Variants in LGMN observed in about 807,000 individuals in gnomAD.
The protein encoded by LGMN is asparaginyl endopeptidase.
Under a neutral mutation model 56.8 loss-of-function variants are expected in LGMN, and 36 were observed. That is an observed-to-expected ratio of 0.63 (90% CI 0.49 to 0.84). The LOEUF (loss-of-function observed/expected upper bound fraction) is 0.84. Among genes scored for constraint, LGMN ranks in the 40% least tolerant of loss-of-function variants. The probability of loss-of-function intolerance (pLI) is 0.00; values close to 1 mark genes in which losing one functional copy is unlikely to be tolerated. For missense variants in LGMN, 446 were observed against 556.1 expected, an observed-to-expected ratio of 0.80 and a Z score of 1.99; for synonymous variants, 199 against 210.1, an observed-to-expected ratio of 0.95 and a Z score of 0.46.
chr14:92,723,519 A>G (rs4904979), intron 2 of LGMN, among the ~76,000 whole-genome samples: 5,012 of 152,292 alleles, frequency 0.033, 158 homozygotes, highest in East Asian at 0.14. Flanking sequence ...CATACAATGG[A>G]ATGCTATTTG....
chr14:92,719,335 GCCATCA>G (rs1460514161), intron 2 of LGMN, among the ~76,000 whole-genome samples: 7 of 33,120 alleles, frequency 2.1e-4, no homozygotes, highest in East Asian at 1.5e-3. Flanking sequence ...CACCGCCACC[GCCATCA>G]CCGCCACCAC....
chr14:92,744,943 G>A (rs1427174689), intron 1 of LGMN, among the ~76,000 whole-genome samples: 1 of 152,156 alleles, frequency 6.6e-6, no homozygotes, highest in Admixed American at 6.5e-5. Flanking sequence ...TATTTCAAAA[G>A]AAGCAGTCAA....
At chr14:92,736,788 C>A (rs1230732479) in intron 1 of LGMN, among the ~76,000 whole-genome samples, 1 of 152,102 alleles carries the variant, frequency 6.6e-6, no homozygotes, top group Non-Finnish European at 1.5e-5. Context: ...CCAAATTTTA[C>A]CCAGCCCTTG....
Position 92,709,591 on chromosome 14 carries a change from G to C in LGMN, c.1020+81C>G. ...ATACTCCTGTGTGGCAGGGAGCATAGGAGGCAGGGCCGTGCTCATGCATGC... is the reference window on the plus strand; with the variant it reads ...ATACTCCTGTGTGGCAGGGAGCATACGAGGCAGGGCCGTGCTCATGCATGC... On this transcript the variant is annotated intron_variant, in intron 11 of 13. Coordinates refer to ENST00000334869, the MANE Select transcript of LGMN (RefSeq NM_005606.7). 4 of 1,117,968 alleles carry C rather than the reference G, an allele frequency of 3.6e-6. No individual in the cohort carries two copies. In the South Asian group the frequency reaches 5.3e-5, roughly 15 times the overall value. The allele number at this position is 1,117,968 out of a possible 1,614,324, so 69.3% of individuals were successfully genotyped here.
At chr14:92,742,850 G>C (rs1939733832) in intron 1 of LGMN, 1 of 152,066 alleles carries the variant, frequency 6.6e-6, no homozygotes, top group South Asian at 2.1e-4. Context: ...TTCCAGACCA[G>C]CCTGGGCAAC....
In LGMN at chr14:92,710,741, C is replaced by T. The variant is rs919158561; in HGVS notation, c.820-869G>A. Among the ~76,000 whole-genome samples the T allele has an allele frequency of 4.6e-5, 7 of 152,318 alleles. No individual in the cohort carries two copies. In the East Asian group the frequency reaches 1.2e-3, roughly 25 times the overall value. On this transcript the variant is annotated intron_variant, in intron 10 of 13. Transcript: ENST00000334869. ...AGAGAACGGAAAGCCCAAGGCGGGGCCCCCACATGGCCAGGGCTATGCCAC... is the reference window on the plus strand; with the variant it reads ...AGAGAACGGAAAGCCCAAGGCGGGGTCCCCACATGGCCAGGGCTATGCCAC...
In LGMN at chr14:92,719,341, A is replaced by G. The variant is rs1308109408; in HGVS notation, c.139-497T>C. On this transcript the variant is annotated intron_variant, in intron 2 of 13. Coordinates refer to ENST00000334869, the MANE Select transcript of LGMN (RefSeq NM_005606.7). The stretch of plus-strand genomic sequence containing the variant: ...CGCCGCCGCCACCGCCACCGCCATC[A>G]CCGCCACCACCACCAACACCACCAC... Among the ~76,000 whole-genome samples the G allele has an allele frequency of 8.4e-4, 97 of 115,430 alleles. 1 individual carries two copies. The highest frequency in any genetic ancestry group is 2.9e-3 in the African/African-American group (83 of 28,226). 75.7% of individuals were successfully genotyped at this position (115,430 alleles called of 152,430 possible).
chr14:92,743,749 C>A (rs111511244), intron 1 of LGMN, among the ~76,000 whole-genome samples: 1 of 149,678 alleles, frequency 6.7e-6, no homozygotes, highest in African/African-American at 2.5e-5. Context: ...TGCAGTGAGC[C>A]GAGATCAAAC....
At chr14:92,716,250 T>C (rs1890068292) in intron 4 of LGMN, 29 bp from the exon 5 acceptor site, 5 of 1,520,838 alleles carry the variant, frequency 3.3e-6, no homozygotes, top group African/African-American at 1.4e-5. Flanking sequence ...CACAATCAGA[T>C]GCAGCTGTCG....
intron 12 of LGMN, among the ~76,000 whole-genome samples, chr14:92,705,853 C>T (rs1003206556): frequency 2.0e-5 from 3 of 152,088 alleles, no homozygotes; most frequent in Admixed American, 6.6e-5. Flanking sequence ...GTCTGGAACT[C>T]CTGACTTCAG....
chr14:92,714,360 C>T lies in LGMN; in HGVS notation c.480+16G>A, dbSNP rs2140219841. The T allele has an allele frequency of 1.3e-6, 2 of 1,557,942 alleles. No homozygotes were observed. Among genetic ancestry groups the T allele is most frequent in the South Asian group, 1.1e-5 (1 of 89,668 alleles). ...CTGTTCTGCTAGTTTGTCCTTAAAA[C>T]GTTAAGAAAACTCACATCTTCATTG... On this transcript the variant is annotated intron_variant, in intron 6 of 13. Coordinates refer to ENST00000334869, the MANE Select transcript of LGMN (RefSeq NM_005606.7). The surrounding 1 kb of genome is among the most constrained non-coding windows in gnomAD (Gnocchi z 5.1).
At chr14:92,710,028 C>T (rs922556933) in intron 10 of LGMN, among the ~76,000 whole-genome samples, 156 bp from the exon 11 acceptor site, 1 of 152,142 alleles carries the variant, frequency 6.6e-6, no homozygotes, top group South Asian at 2.1e-4. Flanking sequence ...CTCACATTTA[C>T]TCCTCATGCT....
At chr14:92,736,221 C>T (rs1372155271) in intron 1 of LGMN, among the ~76,000 whole-genome samples, 1 of 152,124 alleles carries the variant, frequency 6.6e-6, no homozygotes, top group Non-Finnish European at 1.5e-5. Flanking sequence ...GTGCCTGCTA[C>T]AAGGCAAGAT....
intron 1 of LGMN, among the ~76,000 whole-genome samples, chr14:92,740,772 G>A (rs1051852325): frequency 6.6e-6 from 1 of 152,188 alleles, no homozygotes; most frequent in Non-Finnish European, 1.5e-5. Context: ...CAAAGTCAAA[G>A]TCAATGAACA....
chr14:92,740,546 A>G (rs1466673596), intron 1 of LGMN, among the ~76,000 whole-genome samples: 1 of 152,150 alleles, frequency 6.6e-6, no homozygotes, highest in African/African-American at 2.4e-5. Flanking sequence ...CACACAAAGA[A>G]AGAGTTGCTT....
intron 1 of LGMN, among the ~76,000 whole-genome samples, chr14:92,746,020 AC>A (rs1214430577): frequency 6.6e-6 from 1 of 152,086 alleles, no homozygotes; most frequent in Non-Finnish European, 1.5e-5. Context: ...ACGGGGTTTC[AC>A]CATGTTGGCC....
chr14:92,706,404 G>A (rs1188406313), intron 12 of LGMN, 79 bp downstream of exon 12: 4 of 1,244,404 alleles, frequency 3.2e-6, no homozygotes, highest in South Asian at 1.9e-5. Flanking sequence ...CTATAAGGTC[G>A]TACAACCAAT....
intron 2 of LGMN, among the ~76,000 whole-genome samples, chr14:92,730,618 T>C (rs1165139954): frequency 6.6e-6 from 1 of 152,116 alleles, no homozygotes; most frequent in East Asian, 1.9e-4. Context: ...GATTACATGT[T>C]GAAATGATAA....
chr14:92,748,166 G>A (rs1330679685), intron 1 of LGMN, among the ~76,000 whole-genome samples: 1 of 152,064 alleles, frequency 6.6e-6, no homozygotes, highest in Non-Finnish European at 1.5e-5. Context: ...GGGGCCCTTG[G>A]CTGCGGGATC....
Sources: allele counts gnomAD v4.1 joint callset (sites outside exome capture counted in the v4.1 genomes callset), GRCh38; gene constraint gnomAD v4.1.1; non-coding constraint Gnocchi (gnomAD v3.1); transcripts MANE v1.5; gene names NCBI Gene and HGNC (gene_info 2026-07-23, HGNC 2026-07-21).